Variants in SAP30BP observed in about 807,000 individuals in gnomAD.
SAP30BP encodes the protein SAP30-binding protein.
A neutral mutation model predicts 46.3 loss-of-function variants in SAP30BP; 31 were observed. The observed-to-expected ratio is 0.67, with a 90% confidence interval of 0.50 to 0.90. The LOEUF (loss-of-function observed/expected upper bound fraction) is 0.90, where lower values mean the gene tolerates loss of function less well. Ranked by LOEUF, SAP30BP falls within the 40% of genes least tolerant of loss-of-function variation. The probability of loss-of-function intolerance (pLI) is 0.00; values close to 1 mark genes in which losing one functional copy is unlikely to be tolerated. For synonymous variants in SAP30BP, 169 were observed against 144.2 expected (o/e 1.17, Z -1.23); for missense variants, 312 against 391.0 (o/e 0.80, Z 1.70).
chr17:75,702,852 G>T (rs1490175270), intron 6 of SAP30BP: 1 of 324,590 alleles, frequency 3.1e-6, no homozygotes, highest in Non-Finnish European at 5.7e-6. Context: ...TAAAGCACAT[G>T]ACCTCTCAAG....
intron 2 of SAP30BP, among the ~76,000 whole-genome samples, chr17:75,670,681 C>T (rs1247714267): frequency 3.9e-5 from 6 of 152,130 alleles, no homozygotes; most frequent in African/African-American, 1.4e-4. Context: ...GTCTGAGCTC[C>T]ATCTCTGTTT....
intron 4 of SAP30BP, among the ~76,000 whole-genome samples, chr17:75,698,405 TTC>T (rs2060354936): frequency 6.6e-6 from 1 of 152,276 alleles, no homozygotes; most frequent in Non-Finnish European, 1.5e-5. Flanking sequence ...GAACCCTGAA[TTC>T]TGTTTCTCCT....
chr17:75,683,050 A>ATTTTTT (rs139510164), intron 3 of SAP30BP, among the ~76,000 whole-genome samples: 8 of 137,420 alleles, frequency 5.8e-5, no homozygotes, highest in African/African-American at 1.1e-4. Flanking sequence ...TTATTTATTT[A>ATTTTTT]TTTATTTTTT....
chr17:75,677,336 C>T (rs1453856785), intron 3 of SAP30BP, among the ~76,000 whole-genome samples: 2 of 151,748 alleles, frequency 1.3e-5, no homozygotes, highest in Non-Finnish European at 2.9e-5. Flanking sequence ...AACTCCTGAC[C>T]TTGTGATCTG....
chr17:75,682,920 G>T (rs771990112), intron 3 of SAP30BP, among the ~76,000 whole-genome samples: 2 of 138,420 alleles, frequency 1.4e-5, no homozygotes, highest in Admixed American at 7.5e-5. Flanking sequence ...CTGAGATCAC[G>T]CCACTGCACT....
chr17:75,702,767 A>T (rs2060433110), intron 6 of SAP30BP, 196 bp downstream of exon 6: 1 of 425,366 alleles, frequency 2.4e-6, no homozygotes, highest in Non-Finnish European at 4.3e-6. Context: ...TCCAGAAAAA[A>T]CACAAAGCAA....
chr17:75,677,957 A>AT (rs2060018208), intron 3 of SAP30BP, among the ~76,000 whole-genome samples: 1 of 151,990 alleles, frequency 6.6e-6, no homozygotes, highest in Non-Finnish European at 1.5e-5. Context: ...TGGGTCAGTG[A>AT]TTCAGTAGTT....
intron 1 of SAP30BP, among the ~76,000 whole-genome samples, chr17:75,667,684 T>C (rs911818828): frequency 6.6e-6 from 1 of 152,198 alleles, no homozygotes; most frequent in African/African-American, 2.4e-5. Context: ...TTAATTTGCC[T>C]AAACTTACTG....
intron 3 of SAP30BP, chr17:75,691,292 G>A (rs2060238185): frequency 2.3e-5 from 9 of 383,298 alleles, no homozygotes; most frequent in South Asian, 1.8e-4. Flanking sequence ...GGCGTAGAAG[G>A]AATAATTTAG....
chr17:75,696,094 G>A (rs1021047612), intron 4 of SAP30BP, among the ~76,000 whole-genome samples: 1 of 152,166 alleles, frequency 6.6e-6, no homozygotes, highest in Admixed American at 6.5e-5. Context: ...GGCAAGTCAC[G>A]CTGACAGCTG....
intron 2 of SAP30BP, among the ~76,000 whole-genome samples, chr17:75,670,237 G>A (rs941005735): frequency 1.3e-5 from 2 of 151,886 alleles, no homozygotes; most frequent in Non-Finnish European, 2.9e-5. Flanking sequence ...CAGGAGAATC[G>A]CTTGAACCCG....
At chr17:75,683,903 C>A (rs1428701246) in intron 3 of SAP30BP, 1 of 152,198 alleles carries the variant, frequency 6.6e-6, no homozygotes, top group East Asian at 1.9e-4. Flanking sequence ...TTCCCCTGAT[C>A]GTCATAGGTG....
chr17:75,673,650 AG>A (rs944180073), intron 3 of SAP30BP, among the ~76,000 whole-genome samples: 1 of 152,158 alleles, frequency 6.6e-6, no homozygotes, highest in Non-Finnish European at 1.5e-5. Context: ...ACTGTAATCC[AG>A]GCAACAAATC....
intron 3 of SAP30BP, among the ~76,000 whole-genome samples, chr17:75,674,405 C>T (rs1033225008): frequency 6.6e-6 from 1 of 152,074 alleles, no homozygotes; most frequent in African/African-American, 2.4e-5. Flanking sequence ...AGCGATTCTC[C>T]TGTCTCAGTT....
chr17:75,690,230 A>G (rs2060222069), intron 3 of SAP30BP, among the ~76,000 whole-genome samples: 1 of 152,124 alleles, frequency 6.6e-6, no homozygotes, highest in Non-Finnish European at 1.5e-5. Context: ...TTCATACTAA[A>G]TACCTCCTAT....
chr17:75,675,127 T>TGAAA (rs2059971076), intron 3 of SAP30BP, among the ~76,000 whole-genome samples: 1 of 152,174 alleles, frequency 6.6e-6, no homozygotes. Context: ...TTCTCCTTTC[T>TGAAA]ACTTTGGTTT....
intron 8 of SAP30BP, among the ~76,000 whole-genome samples, chr17:75,704,490 G>C (rs1334163099): frequency 6.6e-6 from 1 of 152,184 alleles, no homozygotes; most frequent in Non-Finnish European, 1.5e-5. Flanking sequence ...TCCCCATTGG[G>C]CCTGTATTCC....
intron 4 of SAP30BP, among the ~76,000 whole-genome samples, chr17:75,699,569 T>C (rs1348432328): frequency 2.6e-5 from 4 of 152,038 alleles, no homozygotes; most frequent in Non-Finnish European, 5.9e-5. Context: ...GCCTGAACTT[T>C]TCTTCTCCCA....
chr17:75,697,474 A>G (rs199772765), intron 4 of SAP30BP, among the ~76,000 whole-genome samples: 71 of 152,328 alleles, frequency 4.7e-4, no homozygotes, highest in East Asian at 1.3e-3. Flanking sequence ...TCAGGAGACC[A>G]AAGGAAGGTG....
Sources: gnomAD v4.1 joint callset for allele counts (sites outside exome capture counted in the v4.1 genomes callset) on GRCh38, gnomAD v4.1.1 for gene constraint, MANE v1.5 for transcripts, NCBI Gene and HGNC (gene_info 2026-07-23, HGNC 2026-07-21) for gene names.